Variants in PEX1 observed in about 807,000 individuals in gnomAD.
PEX1 encodes peroxisomal ATPase PEX1.
PEX1 carries 97 observed loss-of-function variants against 152.5 expected under a neutral mutation model. That is an observed-to-expected ratio of 0.64 (90% CI 0.54 to 0.75). The LOEUF is 0.75. Among genes scored for constraint, PEX1 ranks in the 30% least tolerant of loss-of-function variants. The pLI is 0.00. For missense variants in PEX1, 1,357 were observed against 1,516.3 expected (o/e 0.89, Z 1.74); for synonymous variants, 485 against 531.6 (o/e 0.91, Z 1.21).
In PEX1 at chr7:92,504,812, A is replaced by G. The variant is rs121434455; in HGVS notation, c.1991T>C (p.Leu664Pro). ...AGCAGGCAGTCCAGCAATGAGGTCA[A>G]GGTCATCCAGCAGGACAACAGATGG... ...MQPSVVLLDD[L>P]DLIAGLPAVP... Residue 664 changes from leucine to proline, a missense_variant, in exon 12 of 24, where the codon CTT (leucine) becomes CCT (proline). Physicochemically the swap from Leu to Pro is moderately conservative, Grantham distance 98 (BLOSUM62 -3). Coordinates refer to ENST00000248633, the MANE Select transcript of PEX1 (RefSeq NM_000466.3). The G allele has an allele frequency of 2.5e-6, 4 of 1,614,020 alleles. No individual in the cohort carries two copies. Among genetic ancestry groups the G allele is most frequent in the Non-Finnish European group, 3.4e-6 (4 of 1,179,970 alleles).
chr7:92,487,342 A>G lies in PEX1; in HGVS notation c.*115T>C. ...CATTTACCAATCTGTGATTTTATAAATTAACCAAATTTGTTAAATTAAGAA... is the reference window on the plus strand; with the variant it reads ...CATTTACCAATCTGTGATTTTATAAGTTAACCAAATTTGTTAAATTAAGAA... On this transcript the variant is annotated 3_prime_UTR_variant, in exon 24 of 24. Transcript: ENST00000248633. 1.6e-6 allele frequency: 1 copy of G among 633,506 alleles called. No homozygotes were observed. Among genetic ancestry groups the G allele is most frequent in the Non-Finnish European group, 2.8e-6 (1 of 355,356 alleles). 39.2% of individuals were successfully genotyped at this position (633,506 alleles called of 1,614,324 possible).
chr7:92,522,071 G>A (rs1339424597), intron 2 of PEX1, 31 bp downstream of exon 2: 4 of 1,606,270 alleles, frequency 2.5e-6, no homozygotes, highest in Non-Finnish European at 3.4e-6. Context: ...TGTGATATTA[G>A]AAGAAAGTTA....
Position 92,487,391 on chromosome 7 carries a change from TCC to T in PEX1, c.*64_*65del. ...AAGAAATTCATAGACACCATTTTTTTCCTGTTACAACATATGGAAAAGCCATC... is the reference window on the plus strand; with the variant it reads ...AAGAAATTCATAGACACCATTTTTTTTGTTACAACATATGGAAAAGCCATC... On this transcript the variant is annotated 3_prime_UTR_variant, in exon 24 of 24. Coordinates refer to ENST00000248633, the MANE Select transcript of PEX1 (RefSeq NM_000466.3). 3.6e-6 allele frequency: 3 copies of T among 822,620 alleles called. No individual in the cohort carries two copies. The highest frequency in any genetic ancestry group is 3.4e-5 in the African/African-American group (2 of 58,358). The allele number at this position is 822,620 out of a possible 1,614,324, so 51.0% of individuals were successfully genotyped here.
At chr7:92,488,321 ATTC>A (rs941402157) in intron 23 of PEX1, among the ~76,000 whole-genome samples, 1 of 152,144 alleles carries the variant, frequency 6.6e-6, no homozygotes, top group Non-Finnish European at 1.5e-5. Flanking sequence ...CTGTTTTCTG[ATTC>A]TTCTTTAATA....
chr7:92,499,768 G>A lies in PEX1; in HGVS notation c.2654C>T (p.Thr885Ile). The A allele has an allele frequency of 1.2e-6, 2 of 1,612,930 alleles. No homozygotes were observed. Among genetic ancestry groups the A allele is most frequent in the Admixed American group, 1.7e-5 (1 of 59,990 alleles). The change falls in exon 16 of 24, where the codon ACA becomes ATA. Residue 885 changes from threonine to isoleucine, a missense_variant. By Grantham distance (89) the Thr-to-Ile change is moderately conservative. Transcript: ENST00000248633. The stretch of plus-strand genomic sequence containing the variant: ...TACCCCAGCTAGTAAGGTTTTTCCT[G>A]TTCCAGGCGGACCATACAACAGTAT... ...TGILLYGPPG[T>I]GKTLLAGVIA...
chr7:92,501,647 G>A lies in PEX1; in HGVS notation c.2443C>T (p.Gln815Ter), dbSNP rs1306607552. Residue 815 changes from glutamine (Q) to a stop codon, truncating the protein, a stop_gained, in exon 15 of 24, where the codon CAA becomes TAA. Transcript: ENST00000248633. LOFTEE classifies it high-confidence loss of function. ...GGAAGAAATCCGCGGAGAGCCTTTT[G>A]GAAGTCCAATGTTGTTAAAACTAAT... ...EKLVLTTLDFQKALRGFLPAS... is the reference protein window; with the variant it reads ...EKLVLTTLDF 6.2e-7 allele frequency: 1 copy of A among 1,613,680 alleles called. No homozygotes were observed. The highest frequency in any genetic ancestry group is 8.5e-7 in the Non-Finnish European group (1 of 1,179,708).
intron 16 of PEX1, 88 bp from the exon 17 acceptor site, chr7:92,496,865 A>C: frequency 1.2e-6 from 1 of 816,014 alleles, no homozygotes; most frequent in Non-Finnish European, 2.1e-6. Context: ...AATCATGGAA[A>C]TCTTTAATAT....
At chr7:92,509,448 A>G in intron 8 of PEX1, 37 bp from the exon 9 acceptor site, 7 of 1,451,272 alleles carry the variant, frequency 4.8e-6, no homozygotes, top group Non-Finnish European at 6.8e-6. Flanking sequence ...TACATTTCAA[A>G]GTATGTCTTT....
At chr7:92,507,236 A>G in intron 9 of PEX1, 110 bp from the exon 10 acceptor site, 2 of 932,136 alleles carry the variant, frequency 2.1e-6, no homozygotes, top group South Asian at 3.2e-5. Context: ...ATTTAATTTA[A>G]TTTTTTATCT....
intron 2 of PEX1, among the ~76,000 whole-genome samples, chr7:92,519,627 T>C (rs1792966032): frequency 6.6e-6 from 1 of 152,152 alleles, no homozygotes; most frequent in Non-Finnish European, 1.5e-5. Flanking sequence ...ATATAAATAT[T>C]CTCATTATTT....
At position 92,518,058 on chromosome 7, in the gene PEX1, A is replaced by G; in HGVS notation, c.473-16T>C. On this transcript the variant is annotated splice_polypyrimidine_tract_variant and intron_variant, in intron 4 of 23. Transcript: ENST00000248633. ...ATTAGTGCAACTGTGTAGAAAATAA[A>G]GCTCATTAGTGCACATTCATTTCTA... 2 of 1,614,052 alleles carry G rather than the reference A, an allele frequency of 1.2e-6. No homozygotes were observed. The highest frequency in any genetic ancestry group is 1.7e-6 in the Non-Finnish European group (2 of 1,179,898).
intron 6 of PEX1, 114 bp from the exon 7 acceptor site, chr7:92,511,817 A>C: frequency 2.1e-6 from 2 of 939,846 alleles, no homozygotes; most frequent in Non-Finnish European, 1.6e-6. Context: ...AACAAATCCA[A>C]TGAAGGATGT....
At position 92,519,042 on chromosome 7, in the gene PEX1, G is replaced by A; in HGVS notation, c.310C>T (p.Gln104Ter). 6.2e-7 allele frequency: 1 copy of A among 1,610,920 alleles called. No individual in the cohort carries two copies. Among genetic ancestry groups the A allele is most frequent in the Non-Finnish European group, 8.5e-7 (1 of 1,177,262 alleles). Residue 104 changes from glutamine to a stop codon, truncating the protein, a stop_gained, in exon 3 of 24, where the codon CAA becomes TAA. Transcript: ENST00000248633. LOFTEE classifies it high-confidence loss of function. ...LKPCSHVVSC[Q>*]QVEVEPLSAD... ...GAGAGGGGTTCCACCTCAACTTGTT[G>A]ACAAGATACCACATGGGAACATGGC...
chr7:92,487,433 A>C lies in PEX1; in HGVS notation c.*24T>G. 2 of 1,318,816 alleles carry C rather than the reference A, an allele frequency of 1.5e-6. No homozygotes were observed. The allele number at this position is 1,318,816 out of a possible 1,614,324, so 81.7% of individuals were successfully genotyped here. On this transcript the variant is annotated 3_prime_UTR_variant, in exon 24 of 24. Coordinates refer to ENST00000248633, the MANE Select transcript of PEX1 (RefSeq NM_000466.3). ...GAAAAGCCATCAAAAAACTTAACAG[A>C]ACCAAATCAAAAAGAAGTATATTTT...
In PEX1 at chr7:92,513,891, G is replaced by C. The variant is rs1387759619; in HGVS notation, c.1316C>G (p.Pro439Arg). 2 of 1,598,206 alleles carry C rather than the reference G, an allele frequency of 1.3e-6. No homozygotes were observed. Among genetic ancestry groups the C allele is most frequent in the South Asian group, 2.2e-5 (2 of 90,656 alleles). The change falls in exon 6 of 24, where the codon CCT (proline) becomes CGT (arginine). Residue 439 changes from proline to arginine, a missense_variant. By Grantham distance (103) the Pro-to-Arg change is moderately radical. Coordinates refer to ENST00000248633, the MANE Select transcript of PEX1 (RefSeq NM_000466.3). The part of the protein sequence containing the change: ...VVRITPVEVT[P>R]KIPRSLKLQP... ...TAACTTTAGAGATCTTGGAATTTTA[G>C]GGGTAACTTCCACTGGAGTTATCCT...
intron 16 of PEX1, 137 bp from the exon 17 acceptor site, chr7:92,496,914 G>C: frequency 1.5e-6 from 1 of 677,466 alleles, no homozygotes; most frequent in East Asian, 2.7e-5. Flanking sequence ...TAAAATTAAT[G>C]TGTGCTAGAA....
chr7:92,505,534 A>G (rs1030641664), intron 11 of PEX1, among the ~76,000 whole-genome samples: 1 of 152,250 alleles, frequency 6.6e-6, no homozygotes, highest in Non-Finnish European at 1.5e-5. Context: ...AAATAAAAAA[A>G]GTAGGATGTG....
rs1416581097 is a variant in PEX1 at position 92,494,636 on chromosome 7, AAAAC to A, written c.2784-11_2784-8del. Reference sequence around the variant, plus strand: ...GGGCTTTGCAGCCTGTGCTCTGGGAAAAACAAACAACATTTCATATTTGAATCAG... The same window carrying A: ...GGGCTTTGCAGCCTGTGCTCTGGGAAAAACAACATTTCATATTTGAATCAG... On this transcript the variant is annotated splice_region_variant and splice_polypyrimidine_tract_variant and intron_variant, in intron 17 of 23. Coordinates refer to ENST00000248633, the MANE Select transcript of PEX1 (RefSeq NM_000466.3). 1 of 1,613,666 alleles carries A rather than the reference AAAAC, an allele frequency of 6.2e-7. No homozygotes were observed. Among genetic ancestry groups the A allele is most frequent in the Non-Finnish European group, 8.5e-7 (1 of 1,179,664 alleles).
chr7:92,503,079 T>C lies in PEX1; in HGVS notation c.2188A>G (p.Ile730Val), dbSNP rs752778009. 5.0e-6 allele frequency: 8 copies of C among 1,613,872 alleles called. No homozygotes were observed. The Admixed American group carries it at 1.3e-4, about 27-fold the overall frequency. ...PLLVSAQGVH[I>V]FQCVQHIQPP... is the part of the protein sequence containing the mutation. ...TGAATGTGTTGGACGCACTGAAATA[T>C]GTGAACTCCTTGAGCAGAAACAAGT... Residue 730 changes from isoleucine to valine, a missense_variant, in exon 13 of 24, where the codon ATA becomes GTA. By Grantham distance (29) the Ile-to-Val change is conservative (BLOSUM62 3). Coordinates refer to ENST00000248633, the MANE Select transcript of PEX1 (RefSeq NM_000466.3).
Sources: allele counts gnomAD v4.1 joint callset (sites outside exome capture counted in the v4.1 genomes callset), GRCh38; gene constraint gnomAD v4.1.1; transcripts MANE v1.5; gene names NCBI Gene and HGNC (gene_info 2026-07-23, HGNC 2026-07-21).